Variants in SOX5 observed in about 807,000 individuals in gnomAD.
SOX5 encodes the protein transcription factor SOX-5.
Under a neutral mutation model 92.0 loss-of-function variants are expected in SOX5, and 9 were observed. That is an observed-to-expected ratio of 0.10 (90% CI 0.06 to 0.17). The LOEUF (loss-of-function observed/expected upper bound fraction) is 0.17, where lower values mean the gene tolerates loss of function less well. Among genes scored for constraint, SOX5 ranks in the 10% least tolerant of loss-of-function variants. The pLI, the probability that SOX5 is intolerant of heterozygous loss-of-function variation, is 1.00. For missense variants in SOX5, 642 were observed against 944.5 expected, an observed-to-expected ratio of 0.68 and a Z score of 4.20; for synonymous variants, 344 against 336.3, an observed-to-expected ratio of 1.02 and a Z score of -0.25.
At chr12:24,189,014 A>G (rs927562703) in intron 4 of SOX5, among the ~76,000 whole-genome samples, 2 of 152,196 alleles carry the variant, frequency 1.3e-5, no homozygotes, top group Admixed American at 1.3e-4. Context: ...AACACTACCT[A>G]CAAGGACTGA....
intron 1 of SOX5, among the ~76,000 whole-genome samples, chr12:24,421,700 C>T (rs1329176052): frequency 6.6e-6 from 1 of 152,164 alleles, no homozygotes; most frequent in Non-Finnish European, 1.5e-5. Flanking sequence ...AAATATGATA[C>T]AAACGTTTGT....
chr12:23,909,195 C>T (rs1281455606), intron 1 of SOX5, among the ~76,000 whole-genome samples: 1 of 152,140 alleles, frequency 6.6e-6, no homozygotes, highest in African/African-American at 2.4e-5. Context: ...ATTAAGTTCC[C>T]ATTTGTTCAT....
At chr12:23,912,637 A>G (rs2097363893) in intron 1 of SOX5, among the ~76,000 whole-genome samples, 1 of 152,222 alleles carries the variant, frequency 6.6e-6, no homozygotes, top group Admixed American at 6.5e-5. Flanking sequence ...TATCCATACA[A>G]TGGAACATGA....
rs555223709 is a variant in SOX5 at position 23,813,976 on chromosome 12, T to C, written c.481+32007A>G. On this transcript the variant is annotated intron_variant, in intron 3 of 14. Coordinates refer to ENST00000451604, the MANE Select transcript of SOX5 (RefSeq NM_006940.6). ...ATATCACAATGTGAATCTTGACATA[T>C]AAGCAATAATGAATTTTCAGACGAA... 6.4e-4 allele frequency among the ~76,000 whole-genome samples: 98 copies of C among 152,288 alleles called. 1 individual carries two copies. In the South Asian group the frequency reaches 7.5e-3, roughly 12 times the overall value.
At chr12:23,669,809 G>A (rs1233793461) in intron 6 of SOX5, among the ~76,000 whole-genome samples, 1 of 152,104 alleles carries the variant, frequency 6.6e-6, no homozygotes, top group Non-Finnish European at 1.5e-5. Context: ...CAAAAGTGAT[G>A]GCTACGGTTT....
intron 2 of SOX5, among the ~76,000 whole-genome samples, chr12:24,334,787 C>G (rs1441051035): frequency 6.6e-6 from 1 of 152,086 alleles, no homozygotes; most frequent in Non-Finnish European, 1.5e-5. Flanking sequence ...TACTGGAATA[C>G]ATCCACATGA....
Position 23,922,446 on chromosome 12 carries a change from G to A in SOX5, c.39-26422C>T, listed in dbSNP as rs78081699. 9.7e-3 allele frequency among the ~76,000 whole-genome samples: 1,469 copies of A among 152,182 alleles called. 23 individuals are homozygous for A. The highest frequency in any genetic ancestry group is 0.034 in the African/African-American group (1,398 of 41,510). On this transcript the variant is annotated intron_variant, in intron 1 of 14. Transcript: ENST00000451604. Reference sequence around the variant, plus strand: ...ATTAACAGTCCACAAACTAAACCAAGGGTTTTCTGTCAAGAAAAATATCTT... The same window carrying A: ...ATTAACAGTCCACAAACTAAACCAAAGGTTTTCTGTCAAGAAAAATATCTT...
chr12:24,014,478 A>T (rs1396917319), intron 4 of SOX5, among the ~76,000 whole-genome samples: 1 of 152,194 alleles, frequency 6.6e-6, no homozygotes, highest in African/African-American at 2.4e-5. Context: ...ATAAGGCAGC[A>T]AACAGCCTGG....
At chr12:23,781,482 A>C (rs1042496671) in intron 3 of SOX5, among the ~76,000 whole-genome samples, 14 of 152,096 alleles carry the variant, frequency 9.2e-5, no homozygotes, top group Admixed American at 6.6e-5. Context: ...GGAAAACAAA[A>C]CAGTTTAATT....
intron 4 of SOX5, among the ~76,000 whole-genome samples, chr12:23,997,996 G>T (rs1951197615): frequency 6.6e-6 from 1 of 152,030 alleles, no homozygotes; most frequent in Non-Finnish European, 1.5e-5. Flanking sequence ...ACCCAGCATT[G>T]CTGTATTATC....
intron 4 of SOX5, among the ~76,000 whole-genome samples, chr12:24,043,949 T>A (rs953102236): frequency 3.9e-5 from 6 of 152,152 alleles, no homozygotes; most frequent in Non-Finnish European, 5.9e-5. Flanking sequence ...ATGTACCCAC[T>A]TCAGAGATTT....
At chr12:24,044,810 T>G (rs1033364134) in intron 4 of SOX5, among the ~76,000 whole-genome samples, 2 of 152,170 alleles carry the variant, frequency 1.3e-5, no homozygotes, top group Non-Finnish European at 2.9e-5. Context: ...TAGCAAGCAC[T>G]CAAGAATACA....
intron 1 of SOX5, among the ~76,000 whole-genome samples, chr12:23,942,082 G>A (rs1943758708): frequency 6.6e-6 from 1 of 151,690 alleles, no homozygotes; most frequent in Non-Finnish European, 1.5e-5. Context: ...CTTTAACTTT[G>A]CAATTAGAAT....
At chr12:23,924,561 C>T (rs886922237) in intron 1 of SOX5, among the ~76,000 whole-genome samples, 4 of 151,972 alleles carry the variant, frequency 2.6e-5, no homozygotes, top group Admixed American at 6.6e-5. Flanking sequence ...TCAGGTGCAA[C>T]GGAGGAATAT....
chr12:23,641,960 C>T (rs73091376), intron 7 of SOX5, among the ~76,000 whole-genome samples: 2 of 151,956 alleles, frequency 1.3e-5, no homozygotes, highest in African/African-American at 4.8e-5. Flanking sequence ...TCCTCTTGGC[C>T]CTAGACATAA....
chr12:23,598,649 T>G (rs1398435328), intron 9 of SOX5, among the ~76,000 whole-genome samples: 1 of 152,048 alleles, frequency 6.6e-6, no homozygotes, highest in Non-Finnish European at 1.5e-5. Flanking sequence ...TCCATCCACC[T>G]CGGCCTCCCA....
chr12:23,731,260 C>T (rs745973218), intron 6 of SOX5, among the ~76,000 whole-genome samples: 2 of 152,146 alleles, frequency 1.3e-5, no homozygotes, highest in Non-Finnish European at 2.9e-5. Context: ...AGAACCATGC[C>T]GCCAGCCTCC....
At chr12:24,517,699 C>A (rs922034493) in intron 1 of SOX5, among the ~76,000 whole-genome samples, 4 of 102,262 alleles carry the variant, frequency 3.9e-5, no homozygotes, top group African/African-American at 1.3e-4. Context: ...ATAATTAATT[C>A]CATGTTTTTT....
At chr12:24,399,220 C>G (rs560289153) in intron 1 of SOX5, among the ~76,000 whole-genome samples, 1 of 152,144 alleles carries the variant, frequency 6.6e-6, no homozygotes, top group East Asian at 1.9e-4. Context: ...AACACGTGAG[C>G]ATCTGAGCAC....
Sources: allele counts gnomAD v4.1 joint callset (sites outside exome capture counted in the v4.1 genomes callset), GRCh38; gene constraint gnomAD v4.1.1; transcripts MANE v1.5; gene names NCBI Gene and HGNC (gene_info 2026-07-23, HGNC 2026-07-21).